NEK1: variants seen among roughly 807,000 people sequenced by gnomAD.
The protein encoded by NEK1 is NIMA related kinase 1.
In NEK1, 137 loss-of-function variants were observed where a neutral mutation model predicts 182.1. The ratio of observed to expected loss-of-function variants is 0.75; its 90% CI spans 0.65 to 0.87. The LOEUF (loss-of-function observed/expected upper bound fraction) is 0.87. NEK1 is among the 40% of genes least tolerant of loss of function. The pLI is 0.00. For synonymous variants in NEK1, 513 were observed against 492.2 expected (o/e 1.04, Z -0.56); for missense variants, 1,391 against 1,494.4 (o/e 0.93, Z 1.14).
At chr4:169,426,014 A>G (rs751183930) in intron 30 of NEK1, 132 bp downstream of exon 30, 31 of 665,278 alleles carry the variant, frequency 4.7e-5, no homozygotes, top group Non-Finnish European at 7.7e-5. Context: ...TATGCCTATT[A>G]TATTTTTTAA....
intron 23 of NEK1, among the ~76,000 whole-genome samples, chr4:169,499,964 C>T (rs1480633495): frequency 6.6e-6 from 1 of 152,212 alleles, no homozygotes; most frequent in African/African-American, 2.4e-5. Context: ...GAGGATTCTG[C>T]TGCCTTTTGT....
chr4:169,450,562 T>G (rs1440137479), intron 27 of NEK1, among the ~76,000 whole-genome samples: 2 of 152,196 alleles, frequency 1.3e-5, no homozygotes, highest in Admixed American at 6.5e-5. Flanking sequence ...ACCCAGAATT[T>G]GATATCCAGC....
intron 19 of NEK1, among the ~76,000 whole-genome samples, chr4:169,512,117 C>A (rs987192072): frequency 6.6e-6 from 1 of 152,046 alleles, no homozygotes; most frequent in Non-Finnish European, 1.5e-5. Context: ...GTTTTCTTTT[C>A]TCTGGAACAT....
chr4:169,592,960 TGTTAA>T lies in NEK1; in HGVS notation c.313-2156_313-2152del, dbSNP rs573313108. Among the ~76,000 whole-genome samples, 385 of 152,294 alleles carry T rather than the reference TGTTAA, an allele frequency of 2.5e-3. 1 individual carries two copies. Among genetic ancestry groups the T allele is most frequent in the African/African-American group, 8.1e-3 (336 of 41,566 alleles). ...GTCAGGAAAAAGAAAGTGAAAATTA[TGTTAA>T]GTTGAGTATTACTGATAAAATGGAG... On this transcript the variant is annotated intron_variant, in intron 5 of 35. Coordinates refer to ENST00000507142, the MANE Select transcript of NEK1 (RefSeq NM_001199397.3).
intron 12 of NEK1, among the ~76,000 whole-genome samples, chr4:169,563,269 A>G (rs562173180): frequency 6.6e-6 from 1 of 152,006 alleles, no homozygotes; most frequent in Admixed American, 6.6e-5. Flanking sequence ...GCTGAGGTGG[A>G]AGGATCTCTT....
At chr4:169,493,417 T>C (rs1478649685) in intron 23 of NEK1, among the ~76,000 whole-genome samples, 1 of 152,250 alleles carries the variant, frequency 6.6e-6, no homozygotes, top group East Asian at 1.9e-4. Context: ...AGGATCGTTC[T>C]AGCTCCCTAG....
intron 31 of NEK1, among the ~76,000 whole-genome samples, chr4:169,419,892 A>G (rs1376025410): frequency 6.6e-6 from 1 of 152,174 alleles, no homozygotes; most frequent in East Asian, 1.9e-4. Context: ...ATAAAAGATT[A>G]AAAATGGTGC....
intron 23 of NEK1, among the ~76,000 whole-genome samples, chr4:169,496,145 A>C (rs1465388535): frequency 6.6e-6 from 1 of 152,094 alleles, no homozygotes; most frequent in African/African-American, 2.4e-5. Context: ...ATTGCTAGGT[A>C]TTTTATACTC....
intron 23 of NEK1, among the ~76,000 whole-genome samples, chr4:169,496,579 T>A (rs1236670173): frequency 1.3e-5 from 2 of 150,786 alleles, no homozygotes; most frequent in African/African-American, 2.5e-5. Context: ...ATACGTCCCA[T>A]CAATACATAA....
At chr4:169,427,856 G>A (rs983929267) in intron 29 of NEK1, among the ~76,000 whole-genome samples, 1 of 151,922 alleles carries the variant, frequency 6.6e-6, no homozygotes, top group Non-Finnish European at 1.5e-5. Context: ...GTCTTGCTCT[G>A]TTGCCCAGTC....
At chr4:169,504,666 G>C (rs1007137628) in intron 23 of NEK1, among the ~76,000 whole-genome samples, 8 of 152,138 alleles carry the variant, frequency 5.3e-5, no homozygotes, top group African/African-American at 2.4e-5. Flanking sequence ...TCACTTATTT[G>C]TGGAAACTAA....
chr4:169,485,809 G>GT (rs569614501), intron 23 of NEK1, among the ~76,000 whole-genome samples: 22 of 152,290 alleles, frequency 1.4e-4, no homozygotes, highest in African/African-American at 4.1e-4. Flanking sequence ...GAGCCCAGGA[G>GT]TTTGAGACCC....
chr4:169,463,708 T>C (rs941327038), intron 26 of NEK1, among the ~76,000 whole-genome samples: 1 of 152,104 alleles, frequency 6.6e-6, no homozygotes, highest in Non-Finnish European at 1.5e-5. Flanking sequence ...GCCAGAAGTG[T>C]TTTGGATTTT....
chr4:169,529,812 T>C (rs188304205), intron 19 of NEK1, among the ~76,000 whole-genome samples: 2 of 152,262 alleles, frequency 1.3e-5, no homozygotes, highest in Admixed American at 1.3e-4. Flanking sequence ...ACATTCAACA[T>C]CATTAACATT....
At chr4:169,539,130 T>A (rs1580581453) in intron 18 of NEK1, among the ~76,000 whole-genome samples, 1 of 152,144 alleles carries the variant, frequency 6.6e-6, no homozygotes, top group Non-Finnish European at 1.5e-5. Context: ...TGTGTCTGGG[T>A]AGCTAAATCT....
chr4:169,597,148 C>G (rs1233110866), intron 5 of NEK1, among the ~76,000 whole-genome samples: 2 of 152,192 alleles, frequency 1.3e-5, no homozygotes, highest in Non-Finnish European at 2.9e-5. Flanking sequence ...TGAAATATAT[C>G]TGACAATGTT....
At chr4:169,502,771 A>G (rs544421464) in intron 23 of NEK1, among the ~76,000 whole-genome samples, 89 of 152,302 alleles carry the variant, frequency 5.8e-4, no homozygotes, top group African/African-American at 2.1e-3. Context: ...CACAGCCAAC[A>G]TCATGCTGAA....
chr4:169,467,436 ACT>A (rs1745133724), intron 26 of NEK1, among the ~76,000 whole-genome samples: 2 of 152,164 alleles, frequency 1.3e-5, no homozygotes, highest in South Asian at 4.1e-4. Flanking sequence ...TACACTATAA[ACT>A]CTGAAGCAAA....
intron 19 of NEK1, among the ~76,000 whole-genome samples, chr4:169,509,719 T>G (rs184642038): frequency 5.1e-4 from 77 of 152,230 alleles, no homozygotes; most frequent in African/African-American, 1.8e-3. Context: ...AATTTATATA[T>G]GCATTTTTTT....
Sources: gnomAD v4.1 joint callset for allele counts (sites outside exome capture counted in the v4.1 genomes callset) on GRCh38, gnomAD v4.1.1 for gene constraint, MANE v1.5 for transcripts, NCBI Gene and HGNC (gene_info 2026-07-23, HGNC 2026-07-21) for gene names.